Variants in PARD3 observed in about 807,000 individuals in gnomAD.
PARD3 encodes the protein partitioning defective 3 homolog.
PARD3 carries 75 observed loss-of-function variants against 155.4 expected under a neutral mutation model. The ratio of observed to expected loss-of-function variants is 0.48; its 90% CI spans 0.40 to 0.58. The LOEUF is 0.58. Ranked by LOEUF, PARD3 falls within the 20% of genes least tolerant of loss-of-function variation. The probability of loss-of-function intolerance (pLI) is 0.00; values close to 1 mark genes in which losing one functional copy is unlikely to be tolerated. For synonymous variants in PARD3, 576 were observed against 610.5 expected (o/e 0.94, Z 0.83); for missense variants, 1,642 against 1,721.7 (o/e 0.95, Z 0.82).
chr10:34,768,386 AAAGGCGGGACAACTCGAAG>A (rs1310356156), intron 1 of PARD3, among the ~76,000 whole-genome samples: 235 of 152,146 alleles, frequency 1.5e-3, no homozygotes, highest in African/African-American at 4.8e-3. Flanking sequence ...AACTCGAAGC[AAAGGCGGGACAACTCGAAG>A]CAAAGGCGGG....
rs569044157 is a variant in PARD3, at chr10:34,141,025, G to T, written c.3420-9442C>A. ...AAAAATTATAGTTGGTAAATATCTT[G>T]TTATAGTCTTTGCATTTTTCTATGA... On this transcript the variant is annotated intron_variant, in intron 22 of 24. Coordinates refer to ENST00000374788, the MANE Select transcript of PARD3 (RefSeq NM_001184785.2). 1.2e-4 allele frequency among the ~76,000 whole-genome samples: 18 copies of T among 152,222 alleles called. No individual in the cohort carries two copies. In the South Asian group the frequency reaches 3.5e-3, roughly 30 times the overall value.
intron 22 of PARD3, among the ~76,000 whole-genome samples, chr10:34,188,556 A>G (rs1950577719): frequency 6.6e-6 from 1 of 152,176 alleles, no homozygotes; most frequent in African/African-American, 2.4e-5. Flanking sequence ...CTTTACGTAC[A>G]CCGACACATG....
Position 34,695,649 on chromosome 10 carries a change from G to C in PARD3, c.222+669C>G, listed in dbSNP as rs568261785. On this transcript the variant is annotated intron_variant, in intron 2 of 24. Transcript: ENST00000374788. ...TGGGAGGGAACACTGAAGAGCAGTA[G>C]GTGGATAGGTCCAGGAGCCAAACTC... Among the ~76,000 whole-genome samples the C allele has an allele frequency of 1.2e-4, 19 of 152,252 alleles. 1 individual carries two copies. In the East Asian group the frequency reaches 3.7e-3, roughly 29 times the overall value.
intron 2 of PARD3, among the ~76,000 whole-genome samples, chr10:34,631,008 T>C (rs1486697725): frequency 1.3e-5 from 2 of 151,784 alleles, no homozygotes; most frequent in East Asian, 1.9e-4. Context: ...TAGAGATGGG[T>C]CTTGCTATGT....
intron 5 of PARD3, among the ~76,000 whole-genome samples, chr10:34,415,354 A>C (rs1202325441): frequency 1.3e-5 from 2 of 152,202 alleles, no homozygotes; most frequent in Non-Finnish European, 2.9e-5. Flanking sequence ...GTAGTACTTG[A>C]GTACCATTAG....
intron 19 of PARD3, among the ~76,000 whole-genome samples, chr10:34,321,269 A>G (rs1257801089): frequency 6.6e-6 from 1 of 152,208 alleles, no homozygotes; most frequent in Non-Finnish European, 1.5e-5. Context: ...TACTAGTAAT[A>G]TATCAGCAAT....
At chr10:34,475,588 C>A (rs1197492926) in intron 3 of PARD3, among the ~76,000 whole-genome samples, 1 of 152,124 alleles carries the variant, frequency 6.6e-6, no homozygotes, top group African/African-American at 2.4e-5. Context: ...CTTCTACCCA[C>A]GAGAAATTCC....
chr10:34,158,587 A>G (rs1949125143), intron 22 of PARD3, among the ~76,000 whole-genome samples: 2 of 152,214 alleles, frequency 1.3e-5, no homozygotes, highest in Admixed American at 6.5e-5. Context: ...CAGCCCATCT[A>G]TAAGAAACCG....
intron 1 of PARD3, among the ~76,000 whole-genome samples, chr10:34,772,300 C>T (rs986965907): frequency 1.3e-5 from 2 of 151,658 alleles, no homozygotes; most frequent in Non-Finnish European, 2.9e-5. Context: ...GTAATCCCAG[C>T]TACTTCAGCC....
chr10:34,508,786 T>C (rs2133525861), intron 3 of PARD3, among the ~76,000 whole-genome samples: 1 of 152,346 alleles, frequency 6.6e-6, no homozygotes, highest in Middle Eastern at 3.4e-3. Flanking sequence ...CCTAGTTACT[T>C]GGGCTGAGTA....
At chr10:34,797,282 C>G (rs951867151) in intron 1 of PARD3, among the ~76,000 whole-genome samples, 1 of 152,176 alleles carries the variant, frequency 6.6e-6, no homozygotes, top group African/African-American at 2.4e-5. Flanking sequence ...TCCCGAGTAG[C>G]TGAGACTACA....
At chr10:34,352,707 C>T (rs750927852) in intron 14 of PARD3, among the ~76,000 whole-genome samples, 7 of 152,190 alleles carry the variant, frequency 4.6e-5, no homozygotes, top group Admixed American at 1.3e-4. Flanking sequence ...ATCTCCACCT[C>T]GCAGCCGCCT....
rs708398 is a variant in PARD3 at position 34,451,924 on chromosome 10, C to T, written c.583-1476G>A. ...CTTCAGAAAAAAGGAAAGGAAATACCGTTTCATATGATAGTCCATAGATAC... is the reference window on the plus strand; with the variant it reads ...CTTCAGAAAAAAGGAAAGGAAATACTGTTTCATATGATAGTCCATAGATAC... On this transcript the variant is annotated intron_variant, in intron 4 of 24. Coordinates refer to ENST00000374788, the MANE Select transcript of PARD3 (RefSeq NM_001184785.2). Among the ~76,000 whole-genome samples, 1,034 of 151,760 alleles carry T rather than the reference C, an allele frequency of 6.8e-3. 10 individuals carry two copies. The highest frequency in any genetic ancestry group is 0.023 in the African/African-American group (955 of 41,426).
At chr10:34,399,002 C>T (rs890936320) in intron 7 of PARD3, among the ~76,000 whole-genome samples, 1 of 152,272 alleles carries the variant, frequency 6.6e-6, no homozygotes, top group Admixed American at 6.5e-5. Flanking sequence ...TTAAGCTCTC[C>T]TTAACGTTGC....
intron 3 of PARD3, among the ~76,000 whole-genome samples, chr10:34,471,209 C>T (rs186312893): frequency 1.9e-4 from 29 of 152,204 alleles, no homozygotes; most frequent in Admixed American, 1.4e-3. Flanking sequence ...TACAATTACA[C>T]GAAAGGTAGT....
intron 20 of PARD3, among the ~76,000 whole-genome samples, chr10:34,315,558 A>G (rs1025130693): frequency 6.6e-6 from 1 of 152,170 alleles, no homozygotes; most frequent in Non-Finnish European, 1.5e-5. Flanking sequence ...CTAACCCTGT[A>G]ATTTGAAGAA....
intron 22 of PARD3, among the ~76,000 whole-genome samples, chr10:34,254,156 T>C (rs924207879): frequency 3.3e-5 from 5 of 151,924 alleles, no homozygotes; most frequent in Admixed American, 1.3e-4. Context: ...CCAAGGCGGG[T>C]GGATCACAAG....
chr10:34,206,916 TC>T (rs1469024882), intron 22 of PARD3, among the ~76,000 whole-genome samples: 1 of 152,098 alleles, frequency 6.6e-6, no homozygotes, highest in East Asian at 1.9e-4. Context: ...CGAGGTCTTG[TC>T]CCATACAGCC....
chr10:34,311,557 G>C (rs919951085), intron 20 of PARD3, among the ~76,000 whole-genome samples: 2 of 152,228 alleles, frequency 1.3e-5, no homozygotes, highest in African/African-American at 4.8e-5. Flanking sequence ...CATTGGATCT[G>C]TGATTCGAAC....
Sources: allele counts gnomAD v4.1 joint callset (sites outside exome capture counted in the v4.1 genomes callset), GRCh38; gene constraint gnomAD v4.1.1; transcripts MANE v1.5; gene names NCBI Gene and HGNC (gene_info 2026-07-23, HGNC 2026-07-21).